Variants in SLC16A9 observed in about 807,000 individuals in gnomAD.
The protein encoded by SLC16A9 is monocarboxylate transporter 9.
In SLC16A9, 26 loss-of-function variants were observed where a neutral mutation model predicts 44.3. The observed-to-expected ratio is 0.59, with a 90% CI of 0.43 to 0.81. SLC16A9 has a LOEUF of 0.81. SLC16A9 is among the 40% of genes least tolerant of loss of function. SLC16A9 has a pLI of 0.00. For missense variants in SLC16A9, 559 were observed against 595.8 expected (o/e 0.94, Z 0.64); for synonymous variants, 230 against 225.1 (o/e 1.02, Z -0.19).
At chr10:59,678,141 A>G (rs533782146) in intron 2 of SLC16A9, among the ~76,000 whole-genome samples, 1 of 150,586 alleles carries the variant, frequency 6.6e-6, no homozygotes, top group South Asian at 2.1e-4. Flanking sequence ...AAGGATGGCC[A>G]GGTCTGCTGC....
At position 59,654,507 on chromosome 10, in the gene SLC16A9, A is replaced by G. The variant is rs1839303327; in HGVS notation, c.519T>C (p.Ile173=). Residue 173 remains isoleucine (I), a synonymous_variant, in exon 5 of 6, where the codon ATT becomes ATC. Coordinates refer to ENST00000395348, the MANE Select transcript of SLC16A9 (RefSeq NM_194298.3). ...EFYGLDGCLL[I]VGALALNILA... is the part of the protein sequence containing the mutation. ...ATATATTTAAAGCTAAAGCACCCAC[A>G]ATCAGCAAGCATCCATCCAGTCCAT... 6.2e-7 allele frequency: 1 copy of G among 1,610,886 alleles called. No homozygotes were observed. The highest frequency in any genetic ancestry group is 1.3e-5 in the African/African-American group (1 of 75,030).
At chr10:59,679,893 C>T (rs1202564954) in intron 2 of SLC16A9, among the ~76,000 whole-genome samples, 1 of 152,170 alleles carries the variant, frequency 6.6e-6, no homozygotes, top group African/African-American at 2.4e-5. Context: ...CCTATCTGGC[C>T]CATCTCAATA....
At chr10:59,677,216 A>G (rs1369406091) in intron 2 of SLC16A9, among the ~76,000 whole-genome samples, 1 of 151,774 alleles carries the variant, frequency 6.6e-6, no homozygotes, top group Non-Finnish European at 1.5e-5. Flanking sequence ...AGAAGCCACT[A>G]TTGCCTCAGC....
chr10:59,679,996 C>CT (rs1404903435), intron 2 of SLC16A9, among the ~76,000 whole-genome samples: 3 of 151,986 alleles, frequency 2.0e-5, no homozygotes, highest in Non-Finnish European at 4.4e-5. Flanking sequence ...TATTAGTTAC[C>CT]TTTTTTTTCT....
intron 5 of SLC16A9, among the ~76,000 whole-genome samples, chr10:59,653,402 G>A (rs1839257891): frequency 9.8e-6 from 1 of 102,006 alleles, no homozygotes. Flanking sequence ...CTCCAGCCTG[G>A]GCGACAGTGC....
intron 2 of SLC16A9, among the ~76,000 whole-genome samples, chr10:59,683,171 G>T (rs1840061026): frequency 6.6e-6 from 1 of 152,128 alleles, no homozygotes; most frequent in Non-Finnish European, 1.5e-5. Context: ...TTTGCTCAAT[G>T]AATAATGGTG....
At chr10:59,681,296 G>C (rs1167384290) in intron 2 of SLC16A9, among the ~76,000 whole-genome samples, 1 of 151,760 alleles carries the variant, frequency 6.6e-6, no homozygotes, top group Non-Finnish European at 1.5e-5. Flanking sequence ...CTGTTTCAGG[G>C]TTTGCATCTT....
chr10:59,672,341 C>A (rs186539301), intron 3 of SLC16A9, among the ~76,000 whole-genome samples: 4 of 152,264 alleles, frequency 2.6e-5, no homozygotes, highest in Admixed American at 2.6e-4. Context: ...GGGTTCACAG[C>A]AACAGATGCT....
chr10:59,654,226 G>T lies in SLC16A9; in HGVS notation c.800C>A (p.Thr267Lys). Residue 267 changes from threonine (T) to lysine (K), a missense_variant, in exon 5 of 6, where the codon ACG becomes AAG. Thr to Lys is a moderately conservative substitution (Grantham distance 78). Coordinates refer to ENST00000395348, the MANE Select transcript of SLC16A9 (RefSeq NM_194298.3). ...CTGTTCTGCAACTTTCTTTTTGTAC[G>T]TTTCAGGCTCTTTTGTGTGTGTCAC... ...PTVTHTKEPETYKKKVAEQTY... is the reference protein window; with the variant it reads ...PTVTHTKEPEKYKKKVAEQTY... 6.2e-7 allele frequency: 1 copy of T among 1,614,126 alleles called. No individual in the cohort carries two copies. Among genetic ancestry groups the T allele is most frequent in the Middle Eastern group, 1.6e-4 (1 of 6,062 alleles).
At chr10:59,670,675 G>A (rs1481466830) in intron 3 of SLC16A9, among the ~76,000 whole-genome samples, 4 of 152,004 alleles carry the variant, frequency 2.6e-5, no homozygotes, top group East Asian at 1.9e-4. Flanking sequence ...AGACTGAACC[G>A]TTCTTATTTT....
At chr10:59,686,052 A>G (rs1206304091) in intron 1 of SLC16A9, among the ~76,000 whole-genome samples, 1 of 150,030 alleles carries the variant, frequency 6.7e-6, no homozygotes, top group Non-Finnish European at 1.5e-5. Flanking sequence ...ATCTCGGCTC[A>G]CTCAACTTGC....
At chr10:59,671,242 A>T (rs1218622433) in intron 3 of SLC16A9, among the ~76,000 whole-genome samples, 1 of 152,156 alleles carries the variant, frequency 6.6e-6, no homozygotes, top group Non-Finnish European at 1.5e-5. Context: ...ACATCCTCAG[A>T]CCTGAGCCTG....
At chr10:59,691,784 G>T (rs1459084690) in intron 1 of SLC16A9, among the ~76,000 whole-genome samples, 1 of 152,150 alleles carries the variant, frequency 6.6e-6, no homozygotes, top group East Asian at 1.9e-4. Context: ...CCAATCCTTT[G>T]TTTCTTCAAC....
chr10:59,697,567 T>C (rs1367961781), intron 1 of SLC16A9, among the ~76,000 whole-genome samples: 1 of 149,704 alleles, frequency 6.7e-6, no homozygotes, highest in Non-Finnish European at 1.5e-5. Flanking sequence ...CACTCCCTAA[T>C]CTCAAGTACC....
intron 1 of SLC16A9, among the ~76,000 whole-genome samples, chr10:59,691,740 A>C (rs541848637): frequency 1.3e-5 from 2 of 152,310 alleles, no homozygotes; most frequent in African/African-American, 4.8e-5. Flanking sequence ...AAGTTCCAGC[A>C]CCTTCGATTA....
intron 3 of SLC16A9, among the ~76,000 whole-genome samples, chr10:59,670,502 G>C (rs1387450224): frequency 6.6e-6 from 1 of 152,188 alleles, no homozygotes; most frequent in Non-Finnish European, 1.5e-5. Flanking sequence ...ATAAAAGAAG[G>C]TTAACCCACA....
intron 4 of SLC16A9, 61 bp from the exon 5 acceptor site, chr10:59,654,650 T>C: frequency 1.5e-6 from 2 of 1,356,136 alleles, no homozygotes; most frequent in Non-Finnish European, 2.0e-6. Context: ...TTAGAATTTG[T>C]AATATCACAA....
At chr10:59,700,545 C>T (rs929593176) in intron 1 of SLC16A9, among the ~76,000 whole-genome samples, 4 of 152,182 alleles carry the variant, frequency 2.6e-5, no homozygotes, top group Admixed American at 2.0e-4. Context: ...TTCTAGTAAC[C>T]ATCCAAGCAT....
intron 1 of SLC16A9, among the ~76,000 whole-genome samples, chr10:59,690,844 G>T (rs1840237271): frequency 6.6e-6 from 1 of 152,102 alleles, no homozygotes; most frequent in South Asian, 2.1e-4. Context: ...AGCACTCTGG[G>T]AGGCCGAAGT....
Sources: allele counts gnomAD v4.1 joint callset (sites outside exome capture counted in the v4.1 genomes callset), GRCh38; gene constraint gnomAD v4.1.1; transcripts MANE v1.5; gene names NCBI Gene and HGNC (gene_info 2026-07-23, HGNC 2026-07-21).